FLNB: variants seen among roughly 807,000 people sequenced by gnomAD.
The protein encoded by FLNB is filamin B, also known as filamin-B.
FLNB carries 111 observed loss-of-function variants against 250.6 expected under a neutral mutation model. The observed-to-expected ratio is 0.44, with a 90% CI of 0.38 to 0.52. The LOEUF (loss-of-function observed/expected upper bound fraction) is 0.52. FLNB is among the 20% of genes least tolerant of loss of function. The pLI is 0.00. For missense variants in FLNB, 2,869 were observed against 3,447.8 expected, an observed-to-expected ratio of 0.83 and a Z score of 4.20; for synonymous variants, 1,302 against 1,372.1, an observed-to-expected ratio of 0.95 and a Z score of 1.13.
chr3:58,146,762 C>T, intron 33 of FLNB, 58 bp from the exon 34 acceptor site: 4 of 1,590,866 alleles, frequency 2.5e-6, no homozygotes, highest in Middle Eastern at 1.7e-4. Flanking sequence ...TAAAAGGAAA[C>T]TCTTAAAACA....
chr3:58,161,914 G>C (rs978839968), intron 42 of FLNB, among the ~76,000 whole-genome samples: 1 of 152,172 alleles, frequency 6.6e-6, no homozygotes, highest in Non-Finnish European at 1.5e-5. Context: ...CAGCACGTCT[G>C]CCTTCCCCTC....
At chr3:58,041,605 A>G (rs2097146088) in intron 1 of FLNB, among the ~76,000 whole-genome samples, 1 of 152,208 alleles carries the variant, frequency 6.6e-6, no homozygotes, top group African/African-American at 2.4e-5. Context: ...TTTCCAAAGA[A>G]TAGTAACTTA....
intron 8 of FLNB, among the ~76,000 whole-genome samples, chr3:58,101,248 A>G (rs2097250776): frequency 6.6e-6 from 1 of 152,208 alleles, no homozygotes. Context: ...TCTGTGGAGT[A>G]GAGTCCCGTC....
chr3:58,093,854 G>A (rs2097232898), intron 4 of FLNB, among the ~76,000 whole-genome samples: 1 of 152,162 alleles, frequency 6.6e-6, no homozygotes, highest in South Asian at 2.1e-4. Context: ...TATATGTAGT[G>A]AAAAAGGCCA....
intron 39 of FLNB, among the ~76,000 whole-genome samples, chr3:58,154,370 C>T (rs1315544908): frequency 1.3e-5 from 2 of 152,148 alleles, no homozygotes; most frequent in Non-Finnish European, 2.9e-5. Context: ...CGGTGAAACC[C>T]CATCTTTACT....
chr3:58,028,135 A>C (rs142961956), intron 1 of FLNB, among the ~76,000 whole-genome samples: 1 of 152,158 alleles, frequency 6.6e-6, no homozygotes, highest in East Asian at 1.9e-4. Context: ...CAGAGTAGTA[A>C]TGTATAGATG....
chr3:58,122,980 A>T, intron 20 of FLNB, 113 bp from the exon 21 acceptor site: 1 of 967,282 alleles, frequency 1.0e-6, no homozygotes, highest in Non-Finnish European at 1.7e-6. Context: ...CCCCAAGAGA[A>T]GGGCTGCCTG....
At chr3:58,012,209 CAAAAAAAAAA>C (rs10608167) in intron 1 of FLNB, among the ~76,000 whole-genome samples, 1 of 106,030 alleles carries the variant, frequency 9.4e-6, no homozygotes, top group Non-Finnish European at 1.9e-5. Context: ...GACTCTGACT[CAAAAAAAAAA>C]AAAAAAAAAA....
chr3:58,131,820 C>G (rs1377697758), intron 25 of FLNB: 1 of 748,114 alleles, frequency 1.3e-6, no homozygotes, highest in Non-Finnish European at 2.3e-6. Flanking sequence ...TGTATGTGTC[C>G]CTGTGTATGT....
At chr3:58,096,052 TG>T in intron 5 of FLNB, 88 bp from the exon 6 acceptor site, 1 of 996,210 alleles carries the variant, frequency 1.0e-6, no homozygotes, top group Non-Finnish European at 1.6e-6. Flanking sequence ...GTTTCCGACC[TG>T]GCAGCTCCTG....
At chr3:58,046,353 C>T (rs774350170) in intron 1 of FLNB, among the ~76,000 whole-genome samples, 8 of 152,098 alleles carry the variant, frequency 5.3e-5, no homozygotes, top group Non-Finnish European at 1.0e-4. Context: ...ACCAGCTTTA[C>T]TGAGATATAA....
intron 8 of FLNB, among the ~76,000 whole-genome samples, chr3:58,100,320 A>G (rs918595997): frequency 3.5e-5 from 5 of 144,792 alleles, no homozygotes; most frequent in Non-Finnish European, 4.5e-5. Context: ...TTTTTCTTTT[A>G]ATTTACTAAC....
chr3:58,149,097 C>T (rs2107272741), intron 36 of FLNB: 1 of 523,428 alleles, frequency 1.9e-6, no homozygotes, highest in South Asian at 2.1e-5. Context: ...AGGATCTGAA[C>T]CCAGAGCCAC....
At chr3:58,041,058 C>T (rs1048287837) in intron 1 of FLNB, among the ~76,000 whole-genome samples, 13 of 152,058 alleles carry the variant, frequency 8.5e-5, no homozygotes, top group African/African-American at 2.2e-4. Context: ...GTCTGAGGAA[C>T]GGTGTTAATC....
Position 58,033,638 on chromosome 3 carries a change from G to A in FLNB, c.292+24782G>A, listed in dbSNP as rs532204714. ...AACTCCTGACCTCAGGTGATCACCC[G>A]CCTTGGCCTCCCAAAGTGCTAGGAT... is the stretch of plus-strand genomic sequence containing the variant. On this transcript the variant is annotated intron_variant, in intron 1 of 45. Coordinates refer to ENST00000295956, the MANE Select transcript of FLNB (RefSeq NM_001457.4). Among the ~76,000 whole-genome samples, 31 of 152,054 alleles carry A rather than the reference G, an allele frequency of 2.0e-4. No homozygotes were observed. In the South Asian group the frequency reaches 6.2e-3, roughly 31 times the overall value.
At chr3:58,079,153 T>G (rs1181735867) in intron 3 of FLNB, among the ~76,000 whole-genome samples, 1 of 152,216 alleles carries the variant, frequency 6.6e-6, no homozygotes, top group Non-Finnish European at 1.5e-5. Flanking sequence ...CCCTAACTAT[T>G]AGGTTGAGCC....
At chr3:58,043,141 C>CTTTTTTTTT (rs58727890) in intron 1 of FLNB, among the ~76,000 whole-genome samples, 2 of 101,984 alleles carry the variant, frequency 2.0e-5, no homozygotes, top group Admixed American at 1.1e-4. Context: ...TTTGGCATTC[C>CTTTTTTTTT]TTTTTTTTTT....
At chr3:58,150,915 T>C (rs2097343716) in intron 38 of FLNB, 1 of 153,818 alleles carries the variant, frequency 6.5e-6, no homozygotes, top group Admixed American at 6.4e-5. Context: ...TGTTGCGAGC[T>C]CTGGAGAGGG....
At chr3:58,037,753 C>A (rs2097140119) in intron 1 of FLNB, among the ~76,000 whole-genome samples, 2 of 152,140 alleles carry the variant, frequency 1.3e-5, no homozygotes, top group African/African-American at 4.8e-5. Flanking sequence ...ACTCCAGGTG[C>A]CAGTATTATT....
Sources: allele counts gnomAD v4.1 joint callset (sites outside exome capture counted in the v4.1 genomes callset), GRCh38; gene constraint gnomAD v4.1.1; transcripts MANE v1.5; gene names NCBI Gene and HGNC (gene_info 2026-07-23, HGNC 2026-07-21).